The following FAM161A variants were observed in gnomAD, a reference collection of about 807,000 sequenced individuals.
FAM161A encodes FAM161 centrosomal protein A, also known as protein FAM161A.
FAM161A carries 57 observed loss-of-function variants against 70.9 expected under a neutral mutation model. That is an observed-to-expected ratio of 0.80 (90% confidence interval 0.65 to 1.00). The LOEUF (loss-of-function observed/expected upper bound fraction) is 1.00. Ranked by LOEUF, FAM161A falls within the 50% of genes least tolerant of loss-of-function variation. The probability of loss-of-function intolerance (pLI) is 0.00; values close to 1 mark genes in which losing one functional copy is unlikely to be tolerated. For synonymous variants in FAM161A, 299 were observed against 295.7 expected (o/e 1.01, Z -0.12); for missense variants, 880 against 836.0 (o/e 1.05, Z -0.65).
intron 1 of FAM161A, among the ~76,000 whole-genome samples, chr2:61,845,210 C>A (rs547177180): frequency 6.6e-6 from 1 of 152,232 alleles, no homozygotes; most frequent in African/African-American, 2.4e-5. Context: ...TTTAAATAAG[C>A]AGCGGAAGGA....
the FAM161A span, among the ~76,000 whole-genome samples, chr2:61,810,035 A>C: frequency 6.6e-6 from 1 of 152,244 alleles, no homozygotes; most frequent in African/African-American, 2.4e-5. Context: ...GTAGCCACTG[A>C]GTAAGCCCAG....
chr2:61,851,455 C>T (rs10170400), intron 1 of FAM161A, among the ~76,000 whole-genome samples: 57,614 of 151,884 alleles, frequency 0.38, 11,573 homozygotes, highest in East Asian at 0.7. Flanking sequence ...TGCCTCAGCG[C>T]CCCCTAGTAG....
the FAM161A span, among the ~76,000 whole-genome samples, chr2:61,802,183 G>C: frequency 4.6e-5 from 7 of 152,160 alleles, no homozygotes; most frequent in Admixed American, 1.3e-4. Flanking sequence ...AAGTGTGAGT[G>C]TCAATTCTTC....
At chr2:61,820,371 G>A (rs539177139), downstream of FAM161A, 5 of 756,436 alleles carry the variant, frequency 6.6e-6, no homozygotes, top group African/African-American at 6.8e-5. Flanking sequence ...GGGGCTTTGG[G>A]TTTGTCACCT....
chr2:61,830,304 C>T (rs1680131747), intron 5 of FAM161A, among the ~76,000 whole-genome samples: 1 of 152,034 alleles, frequency 6.6e-6, no homozygotes, highest in Admixed American at 6.6e-5. Context: ...AGGGCAGATC[C>T]AAAAATTATT....
chr2:61,800,767 C>T, the FAM161A span, among the ~76,000 whole-genome samples: 1 of 152,140 alleles, frequency 6.6e-6, no homozygotes, highest in Non-Finnish European at 1.5e-5. Context: ...GCCACATTGG[C>T]ATAAAATGTG....
chr2:61,833,172 C>G (rs1672645603), intron 5 of FAM161A, among the ~76,000 whole-genome samples: 1 of 151,986 alleles, frequency 6.6e-6, no homozygotes, highest in South Asian at 2.1e-4. Context: ...CGCCTGTAAT[C>G]CCAGCACTTT....
chr2:61,806,714 A>G, the FAM161A span, among the ~76,000 whole-genome samples: 1 of 52,582 alleles, frequency 1.9e-5, no homozygotes, highest in African/African-American at 9.8e-5. Flanking sequence ...TTTTTTTGAG[A>G]CAGAGTCTGG....
chr2:61,823,332 C>CAA (rs58820982), downstream of FAM161A, among the ~76,000 whole-genome samples: 1 of 119,640 alleles, frequency 8.4e-6, no homozygotes, highest in Non-Finnish European at 1.8e-5. Context: ...GATTCCATCT[C>CAA]AAAAAAAAAA....
the FAM161A span, among the ~76,000 whole-genome samples, chr2:61,801,607 C>T: frequency 2.0e-5 from 3 of 150,300 alleles, no homozygotes; most frequent in Non-Finnish European, 4.4e-5. Flanking sequence ...GCTCTTGTCA[C>T]CCAGGCTGGA....
At chr2:61,801,364 G>A in the FAM161A span, among the ~76,000 whole-genome samples, 1 of 151,690 alleles carries the variant, frequency 6.6e-6, no homozygotes, top group Non-Finnish European at 1.5e-5. Context: ...GGGTGTGGTA[G>A]CAGGCGCCTG....
intron 5 of FAM161A, among the ~76,000 whole-genome samples, chr2:61,832,881 C>T (rs959356041): frequency 3.3e-5 from 5 of 152,098 alleles, no homozygotes; most frequent in Non-Finnish European, 5.9e-5. Context: ...CAGTCTCTAG[C>T]GCCAAAAAGG....
intron 4 of FAM161A, 93 bp from the exon 5 acceptor site, chr2:61,836,202 T>A: frequency 2.1e-6 from 2 of 930,778 alleles, no homozygotes; most frequent in Admixed American, 4.3e-5. Context: ...TTGTACAAAG[T>A]CAATGAAAAA....
intron 5 of FAM161A, among the ~76,000 whole-genome samples, chr2:61,828,833 G>A (rs1160338491): frequency 6.6e-6 from 1 of 152,172 alleles, no homozygotes; most frequent in Non-Finnish European, 1.5e-5. Flanking sequence ...GAATTGTGAT[G>A]ACCCTCTCAT....
intron 4 of FAM161A, among the ~76,000 whole-genome samples, chr2:61,837,235 G>A (rs1234052959): frequency 1.3e-5 from 2 of 152,034 alleles, no homozygotes; most frequent in African/African-American, 2.4e-5. Flanking sequence ...TTCAATGGGA[G>A]CAAGTCAAAG....
intron 5 of FAM161A, among the ~76,000 whole-genome samples, chr2:61,834,083 A>G (rs1272338524): frequency 6.6e-6 from 1 of 152,192 alleles, no homozygotes; most frequent in Non-Finnish European, 1.5e-5. Flanking sequence ...TATTCACAAC[A>G]GCAAAGACAT....
chr2:61,841,930 A>G (rs1673032895), intron 2 of FAM161A, among the ~76,000 whole-genome samples, 192 bp downstream of exon 2: 1 of 152,230 alleles, frequency 6.6e-6, no homozygotes, highest in African/African-American at 2.4e-5. Flanking sequence ...TGGCCACCAA[A>G]TGACCCTCAA....
chr2:61,825,092 A>C lies in FAM161A; in HGVS notation c.*1363T>G. ...TAAAGCATAAATTGCCAGTTTGGAA[A>C]CACTGCTATTACATACACCTGTATT... is the stretch of plus-strand genomic sequence containing the variant. On this transcript the variant is annotated 3_prime_UTR_variant, in exon 7 of 7. Transcript: ENST00000404929. 1 of 453,910 alleles carries C rather than the reference A, an allele frequency of 2.2e-6. No individual in the cohort carries two copies. 28.1% of individuals were successfully genotyped at this position (453,910 alleles called of 1,614,324 possible). A position where few individuals can be genotyped will look rare whatever the true frequency, so the allele number is the denominator to read the frequency against.
the FAM161A span, among the ~76,000 whole-genome samples, chr2:61,818,667 G>A: frequency 5.3e-5 from 8 of 152,256 alleles, no homozygotes; most frequent in Admixed American, 5.2e-4. Context: ...ACATAAAAGA[G>A]ACTGGGAAGC....
Sources: gnomAD v4.1 joint callset for allele counts (sites outside exome capture counted in the v4.1 genomes callset) on GRCh38, gnomAD v4.1.1 for gene constraint, MANE v1.5 for transcripts, NCBI Gene and HGNC (gene_info 2026-07-23, HGNC 2026-07-21) for gene names.